The following CEP76 variants were observed in gnomAD, a reference collection of about 807,000 sequenced individuals.
The protein encoded by CEP76 is centrosomal protein of 76 kDa.
CEP76 carries 55 observed loss-of-function variants against 83.3 expected under a neutral mutation model. That is an observed-to-expected ratio of 0.66 (90% confidence interval 0.53 to 0.83). The LOEUF is 0.83. Ranked by LOEUF, CEP76 falls within the 40% of genes least tolerant of loss-of-function variation. The pLI, the probability that CEP76 is intolerant of heterozygous loss-of-function variation, is 0.00. For synonymous variants in CEP76, 270 were observed against 274.5 expected, an observed-to-expected ratio of 0.98 and a Z score of 0.16; for missense variants, 694 against 799.5, an observed-to-expected ratio of 0.87 and a Z score of 1.59.
chr18:12,690,587 C>T lies in CEP76; in HGVS notation c.933+772G>A, dbSNP rs376811422. ...TCTCCTGCCTCAGCCTCCCGAGTAGCTGCGACTATAGGAGCCCGCCATCAC... is the reference window on the plus strand; with the variant it reads ...TCTCCTGCCTCAGCCTCCCGAGTAGTTGCGACTATAGGAGCCCGCCATCAC... On this transcript the variant is annotated intron_variant, in intron 7 of 11. Transcript: ENST00000262127. 1.5e-3 allele frequency among the ~76,000 whole-genome samples: 226 copies of T among 152,138 alleles called. 1 individual carries two copies. The highest frequency in any genetic ancestry group is 5.1e-3 in the African/African-American group (211 of 41,500).
intron 7 of CEP76, among the ~76,000 whole-genome samples, chr18:12,689,425 G>C (rs139353959): frequency 3.9e-4 from 59 of 152,210 alleles, no homozygotes; most frequent in African/African-American, 1.4e-3. Flanking sequence ...GTTGCTGTTT[G>C]GCCTTGAAAA....
chr18:12,677,807 A>G (rs775620753), intron 10 of CEP76, among the ~76,000 whole-genome samples: 1 of 152,180 alleles, frequency 6.6e-6, no homozygotes, highest in Non-Finnish European at 1.5e-5. Flanking sequence ...CATTTCACAA[A>G]GACAAAATCC....
At chr18:12,693,106 A>T (rs1017007303) in intron 6 of CEP76, among the ~76,000 whole-genome samples, 1 of 152,218 alleles carries the variant, frequency 6.6e-6, no homozygotes, top group African/African-American at 2.4e-5. Flanking sequence ...TTACAGATTA[A>T]TTAGCCTGGC....
rs774429469 is a variant in CEP76, at chr18:12,674,770, G to C, written c.1624-17C>G. ...GCCAAGATCCTATGAGCAATCAAGA[G>C]AAAAAGAAAAAGTGAAATACATTAA... is the stretch of plus-strand genomic sequence containing the variant. On this transcript the variant is annotated splice_polypyrimidine_tract_variant and intron_variant, in intron 10 of 11. Coordinates refer to ENST00000262127, the MANE Select transcript of CEP76 (RefSeq NM_024899.4). The C allele has an allele frequency of 1.3e-6, 2 of 1,501,196 alleles. No individual in the cohort carries two copies. The highest frequency in any genetic ancestry group is 9.1e-7 in the Non-Finnish European group (1 of 1,103,572). 93.0% of individuals were successfully genotyped at this position (1,501,196 alleles called of 1,614,324 possible). A position where few individuals can be genotyped will look rare whatever the true frequency, so the allele number is the denominator to read the frequency against.
In CEP76 at chr18:12,690,581, G is replaced by A. The variant is rs372200732; in HGVS notation, c.933+778C>T. 3.4e-3 allele frequency among the ~76,000 whole-genome samples: 510 copies of A among 151,854 alleles called. 4 individuals carry two copies. Among genetic ancestry groups the A allele is most frequent in the African/African-American group, 0.011 (474 of 41,456 alleles). Reference sequence around the variant, plus strand: ...CGCCATTCTCCTGCCTCAGCCTCCCGAGTAGCTGCGACTATAGGAGCCCGC... The same window carrying A: ...CGCCATTCTCCTGCCTCAGCCTCCCAAGTAGCTGCGACTATAGGAGCCCGC... On this transcript the variant is annotated intron_variant, in intron 7 of 11. Coordinates refer to ENST00000262127, the MANE Select transcript of CEP76 (RefSeq NM_024899.4).
At position 12,673,228 on chromosome 18, in the gene CEP76, C is replaced by A; in HGVS notation, c.*137G>T. ...ATGATTTTTTTTAAACATTACCAGT[C>A]AAGTATATACAAAATTGAAGTATGC... On this transcript the variant is annotated 3_prime_UTR_variant, in exon 12 of 12. Coordinates refer to ENST00000262127, the MANE Select transcript of CEP76 (RefSeq NM_024899.4). 7.1e-7 allele frequency: 1 copy of A among 1,405,412 alleles called. No individual in the cohort carries two copies. 87.1% of individuals were successfully genotyped at this position (1,405,412 alleles called of 1,614,324 possible). A position where few individuals can be genotyped will look rare whatever the true frequency, so the allele number is the denominator to read the frequency against.
At chr18:12,690,897 A>AT (rs956312157) in intron 7 of CEP76, among the ~76,000 whole-genome samples, 3 of 151,742 alleles carry the variant, frequency 2.0e-5, no homozygotes, top group African/African-American at 4.8e-5. Flanking sequence ...GTTATATACA[A>AT]TTTTTTTTAA....
chr18:12,678,866 G>T (rs2039241806), intron 9 of CEP76, among the ~76,000 whole-genome samples: 1 of 152,044 alleles, frequency 6.6e-6, no homozygotes, highest in African/African-American at 2.4e-5. Context: ...TAAGCCAGGA[G>T]AATTGCTTGA....
At chr18:12,672,578 A>G, downstream of CEP76, 8 of 826,510 alleles carry the variant, frequency 9.7e-6, no homozygotes, top group Non-Finnish European at 1.2e-5. Flanking sequence ...GTTTCAGAAG[A>G]TAGAATCCAT....
chr18:12,686,180 A>G, intron 8 of CEP76, 82 bp downstream of exon 8: 1 of 1,156,090 alleles, frequency 8.6e-7, no homozygotes, highest in Non-Finnish European at 1.2e-6. Context: ...GCATTTTTCT[A>G]AGGCATTCTT....
rs187150005 is a variant in CEP76 at position 12,697,170 on chromosome 18, A to G, written c.706+53T>C. On this transcript the variant is annotated intron_variant, in intron 5 of 11. Transcript: ENST00000262127. ...CATTTTAAAGATATAAAATATATTT[A>G]CAAATGAACTGTGGCTATAAAAAGG... 36 of 1,215,506 alleles carry G rather than the reference A, an allele frequency of 3.0e-5. No homozygotes were observed. The East Asian group carries it at 7.9e-4, about 27-fold the overall frequency. The allele number at this position is 1,215,506 out of a possible 1,614,324, so 75.3% of individuals were successfully genotyped here. A position where few individuals can be genotyped will look rare whatever the true frequency, so the allele number is the denominator to read the frequency against.
chr18:12,662,151 T>G (rs1245638341), exon 13 of CEP76: 1 of 450,540 alleles, frequency 2.2e-6, no homozygotes, highest in Non-Finnish European at 4.4e-6. Flanking sequence ...GGACAAGTGC[T>G]CCTAAGAGGC....
chr18:12,700,598 A>T (rs1477265682), intron 2 of CEP76, among the ~76,000 whole-genome samples: 2 of 152,220 alleles, frequency 1.3e-5, no homozygotes, highest in African/African-American at 4.8e-5. Flanking sequence ...AAGAGTGCTT[A>T]TTTTAAAAAT....
intron 10 of CEP76, among the ~76,000 whole-genome samples, chr18:12,676,108 T>C (rs1248368393): frequency 6.6e-6 from 1 of 152,126 alleles, no homozygotes; most frequent in East Asian, 1.9e-4. Context: ...TTTCCTCATT[T>C]TATATTCAAG....
intron 6 of CEP76, among the ~76,000 whole-genome samples, chr18:12,692,830 ATTTCT>A (rs1045745252): frequency 1.4e-4 from 21 of 152,074 alleles, no homozygotes; most frequent in African/African-American, 4.8e-4. Context: ...TCTGACTTTA[ATTTCT>A]TTTAAGAGAC....
chr18:12,687,508 C>T (rs1007257485), intron 7 of CEP76, among the ~76,000 whole-genome samples: 9 of 144,236 alleles, frequency 6.2e-5, no homozygotes, highest in African/African-American at 2.3e-4. Flanking sequence ...GGCTGGAGTG[C>T]AGTAGTGTGA....
rs1259960536 is a variant in CEP76, at chr18:12,687,454, A to ATT, written c.934-1006_934-1005dup. ...TAGTTCTCAACTATAGAAGGCATCA[A>ATT]TTTTTTTTTTTTTTTTTTTGAGACA... On this transcript the variant is annotated intron_variant, in intron 7 of 11. Transcript: ENST00000262127. Among the ~76,000 whole-genome samples, 750 of 140,716 alleles carry ATT rather than the reference A, an allele frequency of 5.3e-3. 10 individuals carry two copies. Among genetic ancestry groups the ATT allele is most frequent in the African/African-American group, 0.018 (689 of 38,448 alleles). The allele number at this position is 140,716 out of a possible 152,430, so 92.3% of individuals were successfully genotyped here.
intron 8 of CEP76, among the ~76,000 whole-genome samples, chr18:12,681,153 G>A (rs143957088): frequency 7.2e-4 from 108 of 149,032 alleles, no homozygotes; most frequent in Non-Finnish European, 1.4e-3. Flanking sequence ...AGCTACAATC[G>A]CGCCACTGCA....
rs762940274 is a variant in CEP76, at chr18:12,697,390, G to A, written c.539C>T (p.Ala180Val). Residue 180 changes from alanine to valine, a missense_variant, in exon 5 of 12, where the codon GCT becomes GTT. Transcript: ENST00000262127. The stretch of plus-strand genomic sequence containing the variant: ...TATTGATAACATTGTTGTTGAATCA[G>A]CCATTCTAGTTCCATCACCTAGCAA... Reference protein sequence around the residue: ...RESLGDGTRMADSTTMLSISD... With the variant: ...RESLGDGTRMVDSTTMLSISD... 7 of 1,609,316 alleles carry A rather than the reference G, an allele frequency of 4.3e-6. No homozygotes were observed. In the East Asian group the frequency reaches 1.1e-4, roughly 26 times the overall value.
Sources: allele counts gnomAD v4.1 joint callset (sites outside exome capture counted in the v4.1 genomes callset), GRCh38; gene constraint gnomAD v4.1.1; transcripts MANE v1.5; gene names NCBI Gene and HGNC (gene_info 2026-07-23, HGNC 2026-07-21).